CNST: variants seen among roughly 807,000 people sequenced by gnomAD.
CNST encodes consortin.
CNST carries 39 observed loss-of-function variants against 72.4 expected under a neutral mutation model. The ratio of observed to expected loss-of-function variants is 0.54; its 90% CI spans 0.42 to 0.70. CNST has a LOEUF of 0.70. Ranked by LOEUF, CNST falls within the 30% of genes least tolerant of loss-of-function variation. CNST has a pLI of 0.00. For missense variants in CNST, 871 were observed against 868.5 expected (o/e 1.00, Z -0.04); for synonymous variants, 332 against 320.1 (o/e 1.04, Z -0.40).
chr1:246,606,653 C>T (rs1160684919), intron 2 of CNST: 1 of 151,178 alleles, frequency 6.6e-6, no homozygotes, highest in African/African-American at 2.4e-5. Context: ...CGTGAACCAT[C>T]CTCAGCCCAG....
chr1:246,595,981 G>C (rs1255033140), intron 2 of CNST, among the ~76,000 whole-genome samples: 1 of 152,026 alleles, frequency 6.6e-6, no homozygotes. Context: ...GGCAGTATTT[G>C]TGTCAATGGG....
Position 246,647,934 on chromosome 1 carries a change from A to T in CNST, c.1733A>T (p.Asp578Val), listed in dbSNP as rs1244976356. Residue 578 changes from aspartate to valine, a missense_variant, in exon 9 of 11, where the codon GAT (aspartate) becomes GTT (valine). Coordinates refer to ENST00000366513, the MANE Select transcript of CNST (RefSeq NM_152609.3). ...GACGACGACTCCGATCTCCTTCAAG[A>T]TCTCTCTCCTGAAGAAGCATCCTAT... is the stretch of plus-strand genomic sequence containing the variant. ...NQDDDSDLLQDLSPEEASYSL... is the reference protein window; with the variant it reads ...NQDDDSDLLQVLSPEEASYSL... 1.2e-6 allele frequency: 2 copies of T among 1,613,514 alleles called. No individual in the cohort carries two copies. The highest frequency in any genetic ancestry group is 1.7e-5 in the Admixed American group (1 of 60,010).
At chr1:246,604,034 G>C (rs1242324057) in intron 2 of CNST, among the ~76,000 whole-genome samples, 1 of 152,166 alleles carries the variant, frequency 6.6e-6, no homozygotes, top group Non-Finnish European at 1.5e-5. Flanking sequence ...GACCAGCCTG[G>C]CCAACTGGCC....
At chr1:246,643,572 G>C (rs182405192) in intron 8 of CNST, among the ~76,000 whole-genome samples, 2 of 152,344 alleles carry the variant, frequency 1.3e-5, no homozygotes, top group Admixed American at 1.3e-4. Flanking sequence ...CCAAGTTTCA[G>C]TCACTTGCTT....
rs1052838986 is a variant in CNST at position 246,566,573 on chromosome 1, C to T, written c.-142C>T. Reference sequence around the variant, plus strand: ...AGCCAGGGGAGACCCGAGCAAGCTCCGTGACAGCACGTCGGCCGCCATGTC... The same window carrying T: ...AGCCAGGGGAGACCCGAGCAAGCTCTGTGACAGCACGTCGGCCGCCATGTC... On this transcript the variant is annotated 5_prime_UTR_variant, in exon 1 of 11. Transcript: ENST00000366513. 2.5e-6 allele frequency: 1 copy of T among 405,404 alleles called. No homozygotes were observed. Among genetic ancestry groups the T allele is most frequent in the Admixed American group, 4.1e-5 (1 of 24,368 alleles). The allele number at this position is 405,404 out of a possible 1,614,324, so 25.1% of individuals were successfully genotyped here. A position where few individuals can be genotyped will look rare whatever the true frequency, so the allele number is the denominator to read the frequency against.
chr1:246,569,178 G>C (rs1056645932), intron 1 of CNST, among the ~76,000 whole-genome samples: 1 of 152,152 alleles, frequency 6.6e-6, no homozygotes, highest in Non-Finnish European at 1.5e-5. Flanking sequence ...AAATTTTCTA[G>C]TAGTGGTATT....
chr1:246,589,461 T>C (rs1661405023), intron 1 of CNST, among the ~76,000 whole-genome samples: 1 of 152,052 alleles, frequency 6.6e-6, no homozygotes, highest in African/African-American at 2.4e-5. Context: ...TTTTTATGGA[T>C]GCATAGTATT....
intron 2 of CNST, chr1:246,607,376 G>A (rs1183393502): frequency 6.6e-6 from 1 of 152,132 alleles, no homozygotes; most frequent in Non-Finnish European, 1.5e-5. Flanking sequence ...CTACAAACCG[G>A]TTTTTTCCTG....
chr1:246,625,414 C>CTTTTT (rs61588900), intron 3 of CNST, among the ~76,000 whole-genome samples: 52 of 56,024 alleles, frequency 9.3e-4, no homozygotes, highest in African/African-American at 1.0e-3. Context: ...TTATTTCTTT[C>CTTTTT]TTTTTTTTTT....
At chr1:246,656,666 C>T (rs577085357) in intron 9 of CNST, among the ~76,000 whole-genome samples, 12 of 152,056 alleles carry the variant, frequency 7.9e-5, no homozygotes, top group Non-Finnish European at 1.5e-4. Flanking sequence ...AGTCTGGGGC[C>T]GGGCACAGTG....
chr1:246,574,421 T>G (rs1247831623), intron 1 of CNST, among the ~76,000 whole-genome samples: 1 of 152,188 alleles, frequency 6.6e-6, no homozygotes, highest in Non-Finnish European at 1.5e-5. Context: ...TTTTTTCTTT[T>G]TCTTTAAAAA....
In CNST at chr1:246,610,698, A is replaced by G. The variant is rs570020885; in HGVS notation, c.380-10731A>G. On this transcript the variant is annotated intron_variant, in intron 2 of 10. Transcript: ENST00000366513. ...TGGCTCTGTGCTCAGGTACTCCTTT[A>G]ACACTTAGCCAGGTCATCTATAATT... 7.9e-5 allele frequency among the ~76,000 whole-genome samples: 12 copies of G among 152,084 alleles called. No individual in the cohort carries two copies. The South Asian group carries it at 2.5e-3, about 32-fold the overall frequency.
Position 246,633,963 on chromosome 1 carries a change from A to G in CNST, c.656A>G (p.Tyr219Cys). The G allele has an allele frequency of 3.1e-6, 5 of 1,613,316 alleles. No individual in the cohort carries two copies. The highest frequency in any genetic ancestry group is 1.1e-5 in the South Asian group (1 of 91,068). The stretch of plus-strand genomic sequence containing the variant: ...AAATTCATTCAGCTAGAACGATTGT[A>G]TCATGAGCAATTGCTCGCAAATCTT... ...AMKFIQLERL[Y>C]HEQLLANLSA... Residue 219 changes from tyrosine to cysteine, a missense_variant, in exon 5 of 11, where the codon TAT (tyrosine) becomes TGT (cysteine). By Grantham distance (194) the Tyr-to-Cys change is radical. Transcript: ENST00000366513.
intron 2 of CNST, among the ~76,000 whole-genome samples, chr1:246,604,481 TATATG>T (rs1425308824): frequency 1.3e-5 from 2 of 152,160 alleles, no homozygotes; most frequent in Non-Finnish European, 2.9e-5. Context: ...CTTCCGTTCT[TATATG>T]ATTTCATTAA....
intron 2 of CNST, chr1:246,607,283 C>G (rs965056279): frequency 6.6e-6 from 1 of 151,984 alleles, no homozygotes; most frequent in South Asian, 2.1e-4. Flanking sequence ...TCCCATGCCA[C>G]GGCCACTGTT....
chr1:246,591,886 T>C lies in CNST; in HGVS notation c.324T>C (p.Ile108=). The C allele has an allele frequency of 6.2e-7, 1 of 1,613,876 alleles. No individual in the cohort carries two copies. The highest frequency in any genetic ancestry group is 8.5e-7 in the Non-Finnish European group (1 of 1,179,964). Residue 108 remains isoleucine, a synonymous_variant, in exon 2 of 11, where the codon ATT becomes ATC. Transcript: ENST00000366513. ...CCTTCTTGGGAAAGGACAAAAAAATTCCTGGAAAAAGAAGTCCAAGAAGCA... is the reference window on the plus strand; with the variant it reads ...CCTTCTTGGGAAAGGACAAAAAAATCCCTGGAAAAAGAAGTCCAAGAAGCA... ...EQAFLGKDKK[I]PGKRSPRSKK...
chr1:246,577,071 G>A (rs138610028), intron 1 of CNST, among the ~76,000 whole-genome samples: 4 of 151,972 alleles, frequency 2.6e-5, no homozygotes, highest in Admixed American at 2.6e-4. Context: ...CTTTTGACGG[G>A]ACATTGCCAA....
At chr1:246,584,363 G>A (rs1409256757) in intron 1 of CNST, among the ~76,000 whole-genome samples, 1 of 152,104 alleles carries the variant, frequency 6.6e-6, no homozygotes, top group East Asian at 1.9e-4. Context: ...AAGTAAACCA[G>A]GGGCAAGAGT....
chr1:246,656,781 C>T (rs1398626495), intron 9 of CNST, among the ~76,000 whole-genome samples: 1 of 151,872 alleles, frequency 6.6e-6, no homozygotes, highest in Non-Finnish European at 1.5e-5. Flanking sequence ...ATGCCAAAAA[C>T]ATTAGCCAGG....
Sources: allele counts gnomAD v4.1 joint callset (sites outside exome capture counted in the v4.1 genomes callset), GRCh38; gene constraint gnomAD v4.1.1; transcripts MANE v1.5; gene names NCBI Gene and HGNC (gene_info 2026-07-23, HGNC 2026-07-21).